The following TMEM177 variants were observed in gnomAD, a reference collection of about 807,000 sequenced individuals.
TMEM177 encodes the protein transmembrane protein 177.
A neutral mutation model predicts 14.2 loss-of-function variants in TMEM177; 4 were observed. The observed-to-expected ratio is 0.28, with a 90% CI of 0.14 to 0.64. The LOEUF is 0.64. Ranked by LOEUF, TMEM177 falls within the 30% of genes least tolerant of loss-of-function variation. The pLI is 0.82. For missense variants in TMEM177, 344 were observed against 405.2 expected (o/e 0.85, Z 1.30); for synonymous variants, 179 against 174.5 (o/e 1.03, Z -0.20).
downstream of TMEM177, among the ~76,000 whole-genome samples, chr2:119,682,720 G>T (rs1351513280): frequency 6.6e-6 from 1 of 152,200 alleles, no homozygotes; most frequent in Admixed American, 6.5e-5. Flanking sequence ...TGCAGGGAGG[G>T]AGCCCACTGG....
downstream of TMEM177, among the ~76,000 whole-genome samples, chr2:119,687,798 G>A (rs1689039667): frequency 6.6e-6 from 1 of 152,170 alleles, no homozygotes; most frequent in African/African-American, 2.4e-5. Flanking sequence ...GAAACAAGAA[G>A]ACAATAAATC....
Position 119,680,829 on chromosome 2 carries a change from C to G in TMEM177, c.-22-3C>G. On this transcript the variant is annotated splice_region_variant and splice_polypyrimidine_tract_variant and intron_variant, in intron 1 of 1. Transcript: ENST00000272521. The stretch of plus-strand genomic sequence containing the variant: ...TGGCTGACTTCTCTTTTTCTTGGCC[C>G]AGATTGTCCGCAGTGACTACACTCA... 6.3e-7 allele frequency: 1 copy of G among 1,595,300 alleles called. No homozygotes were observed. Among genetic ancestry groups the G allele is most frequent in the South Asian group, 1.1e-5 (1 of 89,004 alleles).
chr2:119,700,410 G>A, the TMEM177 span, among the ~76,000 whole-genome samples: 4 of 152,176 alleles, frequency 2.6e-5, no homozygotes, highest in South Asian at 2.1e-4. Context: ...GACATTTAAA[G>A]CAACGGTCAA....
downstream of TMEM177, among the ~76,000 whole-genome samples, chr2:119,686,768 A>C (rs144132457): frequency 6.6e-6 from 1 of 151,644 alleles, no homozygotes; most frequent in East Asian, 1.9e-4. Flanking sequence ...GGGTTTTACT[A>C]TGTTACCCAG....
chr2:119,686,362 G>C (rs1689015047), downstream of TMEM177: 2 of 152,218 alleles, frequency 1.3e-5, no homozygotes, highest in Non-Finnish European at 2.9e-5. Context: ...GCAATTTCCA[G>C]AGAACTCGCT....
the TMEM177 span, among the ~76,000 whole-genome samples, chr2:119,698,125 A>G: frequency 6.6e-6 from 1 of 152,168 alleles, no homozygotes; most frequent in South Asian, 2.1e-4. Context: ...TTTTGCAGGC[A>G]AAGTCTCCCC....
chr2:119,696,693 G>A, the TMEM177 span, among the ~76,000 whole-genome samples: 1 of 152,196 alleles, frequency 6.6e-6, no homozygotes, highest in East Asian at 1.9e-4. Flanking sequence ...CTGAGAAGGT[G>A]ACGATGGAGC....
the TMEM177 span, among the ~76,000 whole-genome samples, chr2:119,692,837 G>A: frequency 6.6e-6 from 1 of 152,118 alleles, no homozygotes; most frequent in South Asian, 2.1e-4. Flanking sequence ...GCCGGGTGTG[G>A]TGGTGGCACC....
chr2:119,681,300 C>G lies in TMEM177; in HGVS notation c.447C>G (p.Ala149=). 2 of 1,614,240 alleles carry G rather than the reference C, an allele frequency of 1.2e-6. No homozygotes were observed. The highest frequency in any genetic ancestry group is 1.7e-6 in the Non-Finnish European group (2 of 1,180,032). ...CTTCCCTGACCTTGTCCCGTGAAGCCCAGAAGTTCGCCTTGGCCAGGGAAG... is the reference window on the plus strand; with the variant it reads ...CTTCCCTGACCTTGTCCCGTGAAGCGCAGAAGTTCGCCTTGGCCAGGGAAG... ...LRASLTLSRE[A]QKFALAREVV... Residue 149 remains alanine (A), a synonymous_variant, in exon 2 of 2, where the codon GCC becomes GCG. Transcript: ENST00000272521.
rs114486427 is a variant in TMEM177, at chr2:119,681,420, C to T, written c.567C>T (p.Tyr189=). Residue 189 remains tyrosine (Y), a synonymous_variant, in exon 2 of 2, where the codon TAC becomes TAT. Coordinates refer to ENST00000272521, the MANE Select transcript of TMEM177 (RefSeq NM_030577.3). The stretch of plus-strand genomic sequence containing the variant: ...GGGCACTGGGCGTGGGTGCCAAGTA[C>T]ACCCTGGGGCTCCATGCAGGCCCCA... ...GTWALGVGAK[Y]TLGLHAGPMN... 32 of 1,613,946 alleles carry T rather than the reference C, an allele frequency of 2.0e-5. No homozygotes were observed. The highest frequency in any genetic ancestry group is 2.5e-5 in the Non-Finnish European group (29 of 1,179,990).
rs762579258 is a variant in TMEM177, at chr2:119,681,771, C to A, written c.918C>A (p.Leu306=). ...DSVLQMWRGM[L]NPGRS ...TGCTGCAGATGTGGAGGGGGATGCT[C>A]AATCCGGGCCGCTCCTGATGGGCTC... Residue 306 remains leucine (L), a synonymous_variant, in exon 2 of 2, where the codon CTC becomes CTA. Transcript: ENST00000272521. The A allele has an allele frequency of 6.2e-7, 1 of 1,613,332 alleles. No homozygotes were observed. Among genetic ancestry groups the A allele is most frequent in the Non-Finnish European group, 8.5e-7 (1 of 1,179,498 alleles).
downstream of TMEM177, among the ~76,000 whole-genome samples, chr2:119,689,176 C>T (rs1197057774): frequency 1.1e-4 from 17 of 152,196 alleles, no homozygotes; most frequent in Admixed American, 1.0e-3. Context: ...CTCATGCAAT[C>T]CTGTCTTTGT....
chr2:119,701,637 T>C, the TMEM177 span, among the ~76,000 whole-genome samples: 842 of 152,366 alleles, frequency 5.5e-3, 8 homozygotes, highest in African/African-American at 0.019. Flanking sequence ...TTCACCTTGC[T>C]GGCTGCCTAG....
At chr2:119,691,537 G>T in the TMEM177 span, among the ~76,000 whole-genome samples, 1 of 152,130 alleles carries the variant, frequency 6.6e-6, no homozygotes, top group African/African-American at 2.4e-5. Flanking sequence ...CACCCAGTAC[G>T]GTTTTATTGA....
At chr2:119,692,173 A>G in the TMEM177 span, among the ~76,000 whole-genome samples, 1 of 152,224 alleles carries the variant, frequency 6.6e-6, no homozygotes, top group Admixed American at 6.5e-5. Flanking sequence ...TGTCAGCCAA[A>G]TGGGTGTCAG....
the TMEM177 span, among the ~76,000 whole-genome samples, chr2:119,700,934 C>T: frequency 6.6e-6 from 1 of 152,228 alleles, no homozygotes; most frequent in East Asian, 1.9e-4. Flanking sequence ...CCTGTGCTGG[C>T]AACCGCGATC....
the TMEM177 span, among the ~76,000 whole-genome samples, chr2:119,704,592 A>G: frequency 1.3e-5 from 2 of 152,174 alleles, no homozygotes; most frequent in Non-Finnish European, 2.9e-5. Flanking sequence ...AAAAAAAAGA[A>G]TGTGCTTCTG....
chr2:119,687,140 G>A (rs1301084592), downstream of TMEM177, among the ~76,000 whole-genome samples: 1 of 152,188 alleles, frequency 6.6e-6, no homozygotes, highest in African/African-American at 2.4e-5. Flanking sequence ...AGAGGCCCTT[G>A]TCTTCTTGGC....
rs768665632 is a variant in TMEM177 at position 119,681,454 on chromosome 2, C to T, written c.601C>T (p.Arg201Trp). Reference sequence around the variant, plus strand: ...GCTCCATGCAGGCCCCATGAATTTACGGGCTGCCTTCAGCTTGGTGGCAGC... The same window carrying T: ...GCTCCATGCAGGCCCCATGAATTTATGGGCTGCCTTCAGCTTGGTGGCAGC... ...LGLHAGPMNL[R>W]AAFSLVAAVA... The change falls in exon 2 of 2, where the codon CGG becomes TGG. Residue 201 changes from arginine to tryptophan, a missense_variant. Arg to Trp is a moderately radical substitution (Grantham distance 101). Coordinates refer to ENST00000272521, the MANE Select transcript of TMEM177 (RefSeq NM_030577.3). 5.7e-5 allele frequency: 92 copies of T among 1,613,394 alleles called. No individual in the cohort carries two copies. Among genetic ancestry groups the T allele is most frequent in the African/African-American group, 1.2e-4 (9 of 74,938 alleles).
Sources: allele counts gnomAD v4.1 joint callset (sites outside exome capture counted in the v4.1 genomes callset), GRCh38; gene constraint gnomAD v4.1.1; transcripts MANE v1.5; gene names NCBI Gene and HGNC (gene_info 2026-07-23, HGNC 2026-07-21).